Variants in SLC24A2 observed in about 807,000 individuals in gnomAD.
SLC24A2 encodes sodium/potassium/calcium exchanger 2.
In SLC24A2, 36 loss-of-function variants were observed where a neutral mutation model predicts 62.0. That is an observed-to-expected ratio of 0.58 (90% CI 0.44 to 0.77). The LOEUF (loss-of-function observed/expected upper bound fraction) is 0.77, where lower values mean the gene tolerates loss of function less well. Among genes scored for constraint, SLC24A2 ranks in the 30% least tolerant of loss-of-function variants. SLC24A2 has a pLI of 0.00. For missense variants in SLC24A2, 846 were observed against 817.9 expected, an observed-to-expected ratio of 1.03 and a Z score of -0.42; for synonymous variants, 358 against 294.0, an observed-to-expected ratio of 1.22 and a Z score of -2.23.
chr9:19,653,223 T>C (rs796401030), intron 2 of SLC24A2, among the ~76,000 whole-genome samples: 3 of 152,352 alleles, frequency 2.0e-5, no homozygotes, highest in African/African-American at 7.2e-5. Context: ...GAAATCTTTC[T>C]CAACAGCATG....
At chr9:20,306,929 C>T in the SLC24A2 span, among the ~76,000 whole-genome samples, 1 of 152,016 alleles carries the variant, frequency 6.6e-6, no homozygotes, top group Non-Finnish European at 1.5e-5. Context: ...AACTCCTGAC[C>T]TCAAGTGATC....
the SLC24A2 span, among the ~76,000 whole-genome samples, chr9:20,307,496 G>A: frequency 6.6e-6 from 1 of 152,184 alleles, no homozygotes; most frequent in Non-Finnish European, 1.5e-5. Flanking sequence ...TATAACCAGA[G>A]CAGACATTTT....
chr9:19,785,585 C>T (rs1430125560), intron 2 of SLC24A2, among the ~76,000 whole-genome samples: 1 of 152,210 alleles, frequency 6.6e-6, no homozygotes, highest in Non-Finnish European at 1.5e-5. Flanking sequence ...TTTCTAGGCA[C>T]ATACACACTT....
chr9:19,791,670 G>A (rs554422282), upstream of SLC24A2, among the ~76,000 whole-genome samples: 25 of 152,314 alleles, frequency 1.6e-4, no homozygotes, highest in East Asian at 4.8e-3. Flanking sequence ...CAGAGGAATT[G>A]AATAACAACT....
At chr9:19,882,846 T>G in the SLC24A2 span, among the ~76,000 whole-genome samples, 1 of 152,174 alleles carries the variant, frequency 6.6e-6, no homozygotes, top group Non-Finnish European at 1.5e-5. Context: ...AACTGAGCTG[T>G]GCCCTGCTGG....
At chr9:19,839,044 G>GA in the SLC24A2 span, among the ~76,000 whole-genome samples, 3 of 151,910 alleles carry the variant, frequency 2.0e-5, no homozygotes, top group East Asian at 5.8e-4. Context: ...AAATTTACAA[G>GA]AAAAAAACAA....
chr9:20,204,939 G>A, the SLC24A2 span, among the ~76,000 whole-genome samples: 1 of 151,908 alleles, frequency 6.6e-6, no homozygotes, highest in East Asian at 1.9e-4. Context: ...TACAGACGGG[G>A]TTTCACCATG....
chr9:19,941,065 G>A, the SLC24A2 span, among the ~76,000 whole-genome samples: 2 of 152,168 alleles, frequency 1.3e-5, no homozygotes, highest in Non-Finnish European at 1.5e-5. Context: ...AAGGTTGGGG[G>A]AGGAAGATTT....
At chr9:19,790,234 TA>T (rs1823297692), upstream of SLC24A2, among the ~76,000 whole-genome samples, 1 of 152,186 alleles carries the variant, frequency 6.6e-6, no homozygotes, top group Non-Finnish European at 1.5e-5. Context: ...TGAATTTTTT[TA>T]TCTTTAACTT....
chr9:19,855,805 G>A, the SLC24A2 span, among the ~76,000 whole-genome samples: 1 of 152,154 alleles, frequency 6.6e-6, no homozygotes, highest in African/African-American at 2.4e-5. Context: ...AGGATTCTCT[G>A]GAATTCCTGA....
intron 2 of SLC24A2, among the ~76,000 whole-genome samples, chr9:19,741,068 G>T (rs1430359646): frequency 6.6e-6 from 1 of 152,112 alleles, no homozygotes; most frequent in African/African-American, 2.4e-5. Context: ...TGTCCTTCCT[G>T]GCACCTAGAA....
chr9:19,948,791 G>C, the SLC24A2 span, among the ~76,000 whole-genome samples: 1 of 145,858 alleles, frequency 6.9e-6, no homozygotes, highest in African/African-American at 2.5e-5. Context: ...CTTGCAGTGA[G>C]CGGAGATCGC....
intron 5 of SLC24A2, among the ~76,000 whole-genome samples, chr9:19,589,021 G>A (rs992468926): frequency 1.3e-5 from 2 of 152,138 alleles, no homozygotes; most frequent in Non-Finnish European, 2.9e-5. Flanking sequence ...ATAAATTGGT[G>A]CAATTGTTTT....
intron 2 of SLC24A2, among the ~76,000 whole-genome samples, chr9:19,703,696 G>C (rs1820423368): frequency 6.6e-6 from 1 of 152,126 alleles, no homozygotes; most frequent in African/African-American, 2.4e-5. Flanking sequence ...AGTGATAACA[G>C]TGCTTTGATC....
At chr9:19,568,802 T>C (rs1370336086) in intron 7 of SLC24A2, among the ~76,000 whole-genome samples, 2 of 152,240 alleles carry the variant, frequency 1.3e-5, no homozygotes, top group South Asian at 2.1e-4. Context: ...TGGTTCAACA[T>C]TGAAAAGTTA....
chr9:19,617,845 C>T (rs1335603016), intron 4 of SLC24A2, among the ~76,000 whole-genome samples: 1 of 152,162 alleles, frequency 6.6e-6, no homozygotes, highest in African/African-American at 2.4e-5. Flanking sequence ...AAGAAGATTA[C>T]TTGGGCTGCT....
chr9:19,749,547 G>C (rs987495774), intron 2 of SLC24A2, among the ~76,000 whole-genome samples: 1 of 152,164 alleles, frequency 6.6e-6, no homozygotes, highest in African/African-American at 2.4e-5. Flanking sequence ...TTTCTTACTA[G>C]AAGAGATTCT....
the SLC24A2 span, among the ~76,000 whole-genome samples, chr9:19,961,051 T>A: frequency 7.4e-6 from 1 of 134,890 alleles, no homozygotes; most frequent in African/African-American, 2.8e-5. Flanking sequence ...TGTGTGTGTG[T>A]GAGTGAGAGA....
the SLC24A2 span, among the ~76,000 whole-genome samples, chr9:20,253,526 G>C: frequency 3.3e-5 from 5 of 152,102 alleles, no homozygotes; most frequent in East Asian, 9.6e-4. Flanking sequence ...TCCAGGGCAG[G>C]GTTCTCAACC....
Sources: allele counts gnomAD v4.1 joint callset (sites outside exome capture counted in the v4.1 genomes callset), GRCh38; gene constraint gnomAD v4.1.1; transcripts MANE v1.5; gene names NCBI Gene and HGNC (gene_info 2026-07-23, HGNC 2026-07-21).